Variants in GABRB3 observed in about 807,000 individuals in gnomAD.
GABRB3 encodes gamma-aminobutyric acid receptor subunit beta-3.
A neutral mutation model predicts 52.1 loss-of-function variants in GABRB3; 14 were observed. The ratio of observed to expected loss-of-function variants is 0.27; its 90% CI spans 0.18 to 0.42. GABRB3 has a LOEUF of 0.42. Among genes scored for constraint, GABRB3 ranks in the 10% least tolerant of loss-of-function variants. GABRB3 has a pLI of 1.00. For synonymous variants in GABRB3, 260 were observed against 232.3 expected, an observed-to-expected ratio of 1.12 and a Z score of -1.08; for missense variants, 307 against 609.1, an observed-to-expected ratio of 0.50 and a Z score of 5.22.
chr15:26,609,800 AG>A (rs1432424333), intron 4 of GABRB3, among the ~76,000 whole-genome samples: 1 of 152,214 alleles, frequency 6.6e-6, no homozygotes, highest in Non-Finnish European at 1.5e-5. Context: ...CCATAAAAAA[AG>A]TTTAGTTCAA....
At chr15:26,678,205 A>G (rs1888127199) in intron 3 of GABRB3, among the ~76,000 whole-genome samples, 1 of 152,210 alleles carries the variant, frequency 6.6e-6, no homozygotes, top group Admixed American at 6.5e-5. Context: ...CACCAACCAC[A>G]GCAACATTCT....
intron 3 of GABRB3, chr15:26,772,088 G>C (rs1336920969): frequency 1.6e-5 from 5 of 308,084 alleles, no homozygotes; most frequent in Non-Finnish European, 2.9e-5. Flanking sequence ...GGGAAACCTC[G>C]GGACCAGGCG....
chr15:26,773,039 C>A lies in GABRB3; in HGVS notation c.-77G>T. ...CCCGCAGCCGGGGCTGCTCCTGCTG[C>A]TGCCGCCGCCGCCGCCGCCGCCGCG... On this transcript the variant is annotated 5_prime_UTR_variant, in exon 1 of 9. Transcript: ENST00000311550. 3 of 1,016,000 alleles carry A rather than the reference C, an allele frequency of 3.0e-6. No homozygotes were observed. Among genetic ancestry groups the A allele is most frequent in the Non-Finnish European group, 3.4e-6 (3 of 876,008 alleles). The allele number at this position is 1,016,000 out of a possible 1,614,324, so 62.9% of individuals were successfully genotyped here.
intron 4 of GABRB3, chr15:26,590,320 A>T (rs1891147999): frequency 6.6e-6 from 1 of 152,146 alleles, no homozygotes; most frequent in African/African-American, 2.4e-5. Context: ...TGCACTCGAG[A>T]TGCCCAAATG....
chr15:26,745,198 C>T (rs946960300), intron 3 of GABRB3, among the ~76,000 whole-genome samples: 2 of 152,180 alleles, frequency 1.3e-5, no homozygotes, highest in African/African-American at 4.8e-5. Flanking sequence ...ACGCCTCCCA[C>T]CAGGCCCCAC....
intron 3 of GABRB3, among the ~76,000 whole-genome samples, chr15:26,703,001 CT>C (rs1460820438): frequency 6.6e-6 from 1 of 152,080 alleles, no homozygotes; most frequent in African/African-American, 2.4e-5. Context: ...GGCCTTTTTG[CT>C]TTAATCTCAC....
At chr15:26,608,382 A>G (rs1891922878) in intron 4 of GABRB3, among the ~76,000 whole-genome samples, 1 of 152,142 alleles carries the variant, frequency 6.6e-6, no homozygotes, top group African/African-American at 2.4e-5. Flanking sequence ...GGAAAACTAC[A>G]TGACATTATG....
intron 8 of GABRB3, among the ~76,000 whole-genome samples, chr15:26,554,143 A>AGT (rs1270530034): frequency 3.3e-5 from 1 of 30,020 alleles, no homozygotes; most frequent in African/African-American, 1.3e-4. Context: ...ATATATATAA[A>AGT]GTATATATAT....
At position 26,547,801 on chromosome 15, in the gene GABRB3, C is replaced by T; in HGVS notation, c.1414G>A (p.Val472Ile). 6.2e-7 allele frequency: 1 copy of T among 1,613,266 alleles called. No individual in the cohort carries two copies. Among genetic ancestry groups the T allele is most frequent in the Non-Finnish European group, 8.5e-7 (1 of 1,179,410 alleles). The change falls in exon 9 of 9, where the codon GTT becomes ATT. Residue 472 changes from valine (V) to isoleucine (I), a missense_variant. Coordinates refer to ENST00000311550, the MANE Select transcript of GABRB3 (RefSeq NM_000814.6). ...AAATCAAGTACAGTCACTCAGTTAA[C>T]ATAGTACAGCCAGTAAACTAAGTTG... Reference protein sequence around the residue: ...LFNLVYWLYYVN With the variant: ...LFNLVYWLYYIN
chr15:26,573,527 A>G (rs1265489876), intron 6 of GABRB3, among the ~76,000 whole-genome samples: 1 of 152,186 alleles, frequency 6.6e-6, no homozygotes, highest in Non-Finnish European at 1.5e-5. Flanking sequence ...TGTTTGTTTC[A>G]ACAATCCAGC....
At position 26,580,344 on chromosome 15, in the gene GABRB3, G is replaced by A. The variant is rs775255289; in HGVS notation, c.657C>T (p.Val219=). ...CTGTGGCGAAGACAACATTCCTCGA[G>A]ACCAGACGGTGCTCCACGATGGAGA... ...PQFSIVEHRL[V]SRNVVFATGA... Residue 219 remains valine (V), a synonymous_variant, in exon 6 of 9, where the codon GTC becomes GTT. Transcript: ENST00000311550. 2.5e-6 allele frequency: 4 copies of A among 1,614,140 alleles called. No individual in the cohort carries two copies. Among genetic ancestry groups the A allele is most frequent in the Non-Finnish European group, 3.4e-6 (4 of 1,180,038 alleles).
chr15:26,668,999 T>C (rs1424823888), intron 3 of GABRB3, among the ~76,000 whole-genome samples: 1 of 152,214 alleles, frequency 6.6e-6, no homozygotes, highest in East Asian at 1.9e-4. Context: ...AGATAACTAT[T>C]GTACCTGCCC....
At chr15:26,703,668 T>C (rs1163438816) in intron 3 of GABRB3, among the ~76,000 whole-genome samples, 1 of 152,186 alleles carries the variant, frequency 6.6e-6, no homozygotes, top group Non-Finnish European at 1.5e-5. Flanking sequence ...AAACAAGTTA[T>C]ATACTTTCAA....
intron 4 of GABRB3, among the ~76,000 whole-genome samples, chr15:26,620,113 A>C (rs777422102): frequency 6.6e-6 from 1 of 152,182 alleles, no homozygotes; most frequent in Non-Finnish European, 1.5e-5. Flanking sequence ...GAACCTCCGG[A>C]GCTTTACAAC....
At chr15:26,615,899 C>T (rs1892237473) in intron 4 of GABRB3, 1 of 1,270,912 alleles carries the variant, frequency 7.9e-7, no homozygotes, top group African/African-American at 1.5e-5. Context: ...AGCACATAAT[C>T]AGTAGGAAAG....
intron 3 of GABRB3, among the ~76,000 whole-genome samples, chr15:26,716,003 G>C (rs942581746): frequency 6.6e-6 from 1 of 152,130 alleles, no homozygotes; most frequent in African/African-American, 2.4e-5. Context: ...CACAGTGCTG[G>C]TTTTCAATTA....
chr15:26,766,236 T>G (rs761805866), intron 3 of GABRB3, among the ~76,000 whole-genome samples: 5 of 152,234 alleles, frequency 3.3e-5, no homozygotes, highest in Admixed American at 6.5e-5. Flanking sequence ...ATGATCAGCA[T>G]GCATAAGACA....
chr15:26,626,389 A>G (rs1321051241), intron 3 of GABRB3, among the ~76,000 whole-genome samples: 1 of 152,146 alleles, frequency 6.6e-6, no homozygotes, highest in Non-Finnish European at 1.5e-5. Context: ...TTTAAGTGAA[A>G]GGAAGAGTCG....
chr15:26,773,115 G>C, upstream of GABRB3: 1 of 755,072 alleles, frequency 1.3e-6, no homozygotes, highest in Non-Finnish European at 1.6e-6. Flanking sequence ...GGGGAGGAGC[G>C]GGCGCTGGGA....
Sources: gnomAD v4.1 joint callset for allele counts (sites outside exome capture counted in the v4.1 genomes callset) on GRCh38, gnomAD v4.1.1 for gene constraint, MANE v1.5 for transcripts, NCBI Gene and HGNC (gene_info 2026-07-23, HGNC 2026-07-21) for gene names.